Variants in NRXN1 observed in about 807,000 individuals in gnomAD.
NRXN1 encodes the protein neurexin-1.
A neutral mutation model predicts 150.9 loss-of-function variants in NRXN1; 39 were observed. The observed-to-expected ratio is 0.26, with a 90% CI of 0.20 to 0.34. NRXN1 has a LOEUF of 0.34. Ranked by LOEUF, NRXN1 falls within the 10% of genes least tolerant of loss-of-function variation. NRXN1 has a pLI of 1.00. For synonymous variants in NRXN1, 924 were observed against 757.0 expected (o/e 1.22, Z -3.62); for missense variants, 1,815 against 1,949.9 (o/e 0.93, Z 1.30).
At chr2:50,514,122 TACTC>T (rs900195227) in intron 12 of NRXN1, among the ~76,000 whole-genome samples, 1 of 152,204 alleles carries the variant, frequency 6.6e-6, no homozygotes, top group African/African-American at 2.4e-5. Context: ...TAATCTGACT[TACTC>T]AATTAAACCA....
At chr2:50,463,320 A>G (rs575560616) in intron 17 of NRXN1, among the ~76,000 whole-genome samples, 1 of 151,996 alleles carries the variant, frequency 6.6e-6, no homozygotes, top group Admixed American at 6.6e-5. Context: ...AATTGATACA[A>G]AATAAGATTT....
intron 17 of NRXN1, among the ~76,000 whole-genome samples, chr2:50,465,028 T>A (rs2088669415): frequency 6.6e-6 from 1 of 151,804 alleles, no homozygotes. Context: ...TAAAGAGATG[T>A]ACGCAGAGAG....
chr2:50,953,341 G>C (rs533703031), intron 2 of NRXN1, among the ~76,000 whole-genome samples: 1 of 152,220 alleles, frequency 6.6e-6, no homozygotes, highest in South Asian at 2.1e-4. Context: ...AAATTGTCTG[G>C]AATATAGTAG....
At chr2:50,407,853 G>A (rs1222913864) in intron 17 of NRXN1, among the ~76,000 whole-genome samples, 4 of 152,108 alleles carry the variant, frequency 2.6e-5, no homozygotes, top group Admixed American at 6.5e-5. Flanking sequence ...CCAGTTTCAA[G>A]TATTCTGTTA....
intron 21 of NRXN1, among the ~76,000 whole-genome samples, chr2:50,039,490 A>C: frequency 6.6e-6 from 1 of 152,286 alleles, no homozygotes; most frequent in East Asian, 1.9e-4. Context: ...AAATAAGCAA[A>C]GAAACTGTGC....
chr2:50,851,177 T>A (rs960499732), intron 5 of NRXN1, among the ~76,000 whole-genome samples: 1 of 152,066 alleles, frequency 6.6e-6, no homozygotes, highest in Admixed American at 6.5e-5. Flanking sequence ...TTAGTACACA[T>A]TGTTTCCTGC....
At chr2:50,137,887 G>A (rs765461906) in intron 18 of NRXN1, among the ~76,000 whole-genome samples, 24 of 152,200 alleles carry the variant, frequency 1.6e-4, no homozygotes, top group Admixed American at 7.9e-4. Context: ...TCAAGATGGA[G>A]CCTCACGTTC....
At chr2:50,176,683 C>T (rs559200228) in intron 18 of NRXN1, among the ~76,000 whole-genome samples, 3 of 152,164 alleles carry the variant, frequency 2.0e-5, no homozygotes, top group South Asian at 4.2e-4. Context: ...AAATAATCAG[C>T]CTTTTTCCTA....
rs535977488 is a variant in NRXN1 at position 50,928,593 on chromosome 2, T to C, written c.773-2638A>G. Among the ~76,000 whole-genome samples, 4 of 152,160 alleles carry C rather than the reference T, an allele frequency of 2.6e-5. No individual in the cohort carries two copies. The East Asian group carries it at 5.8e-4, about 22-fold the overall frequency. ...AAATGTCGAGTCAAAAAAGAATAGT[T>C]TATCTCCTCATAACAATTTTTTCTT... On this transcript the variant is annotated intron_variant, in intron 2 of 22. Transcript: ENST00000401669.
intron 18 of NRXN1, among the ~76,000 whole-genome samples, chr2:50,161,414 A>C (rs778620726): frequency 1.5e-4 from 22 of 150,572 alleles, no homozygotes; most frequent in Non-Finnish European, 3.1e-4. Flanking sequence ...CAGCGACTTA[A>C]TTTAATGAAC....
intron 5 of NRXN1, among the ~76,000 whole-genome samples, chr2:50,726,120 CTTCT>C (rs1697336127): frequency 6.6e-6 from 1 of 152,128 alleles, no homozygotes; most frequent in Admixed American, 6.5e-5. Flanking sequence ...GAGGAAACTG[CTTCT>C]TTAACACTGT....
rs368634515 is a variant in NRXN1 at position 50,465,322 on chromosome 2, G to A, written c.3364+120C>T. Reference sequence around the variant, plus strand: ...TTTCCGTAGAAACAACTGCTTCTATGGGTTATGACAGTTCGACTGACTCAG... The same window carrying A: ...TTTCCGTAGAAACAACTGCTTCTATAGGTTATGACAGTTCGACTGACTCAG... On this transcript the variant is annotated intron_variant, in intron 17 of 22. Transcript: ENST00000401669. The A allele has an allele frequency of 2.1e-5, 19 of 917,832 alleles. No individual in the cohort carries two copies. In the East Asian group the frequency reaches 5.3e-4, roughly 26 times the overall value. 56.9% of individuals were successfully genotyped at this position (917,832 alleles called of 1,614,324 possible). A position where few individuals can be genotyped will look rare whatever the true frequency, so the allele number is the denominator to read the frequency against.
chr2:50,418,925 T>C (rs1454207586), intron 17 of NRXN1, among the ~76,000 whole-genome samples: 1 of 152,062 alleles, frequency 6.6e-6, no homozygotes, highest in East Asian at 1.9e-4. Context: ...TACAAAAATC[T>C]TTTTTATTTT....
chr2:50,900,624 T>C (rs1450479637), intron 5 of NRXN1, among the ~76,000 whole-genome samples: 3 of 152,062 alleles, frequency 2.0e-5, no homozygotes, highest in Non-Finnish European at 4.4e-5. Flanking sequence ...GGATTAAAAG[T>C]AAAATTATTA....
chr2:50,364,738 T>C (rs1027947382), intron 17 of NRXN1, among the ~76,000 whole-genome samples: 29 of 152,114 alleles, frequency 1.9e-4, no homozygotes, highest in Non-Finnish European at 3.1e-4. Context: ...TCTTTTCTCT[T>C]TTGGCAGTAG....
chr2:50,896,825 C>A (rs1447942132), intron 5 of NRXN1, among the ~76,000 whole-genome samples: 1 of 149,298 alleles, frequency 6.7e-6, no homozygotes, highest in Non-Finnish European at 1.5e-5. Flanking sequence ...CCAGCCTGGG[C>A]GACAGAGCAA....
chr2:50,659,377 T>C (rs1686960014), intron 5 of NRXN1, among the ~76,000 whole-genome samples: 1 of 152,038 alleles, frequency 6.6e-6, no homozygotes, highest in South Asian at 2.1e-4. Flanking sequence ...TATTTGGGTA[T>C]ACAGGATAAC....
chr2:50,060,820 G>A (rs1694414099), intron 19 of NRXN1, among the ~76,000 whole-genome samples: 1 of 152,174 alleles, frequency 6.6e-6, no homozygotes, highest in African/African-American at 2.4e-5. Context: ...TGACATGAAT[G>A]TGAGGCCTCC....
chr2:50,651,091 C>T (rs1284275738), intron 5 of NRXN1, among the ~76,000 whole-genome samples: 3 of 151,888 alleles, frequency 2.0e-5, no homozygotes, highest in Non-Finnish European at 4.4e-5. Flanking sequence ...TAATTGATAT[C>T]CATAATGTGA....
Sources: allele counts gnomAD v4.1 joint callset (sites outside exome capture counted in the v4.1 genomes callset), GRCh38; gene constraint gnomAD v4.1.1; transcripts MANE v1.5; gene names NCBI Gene and HGNC (gene_info 2026-07-23, HGNC 2026-07-21).